Variants in ACBD6 observed in about 807,000 individuals in gnomAD.
ACBD6 encodes acyl-CoA binding domain containing 6, also known as acyl-CoA-binding domain-containing protein 6.
ACBD6 carries 28 observed loss-of-function variants against 37.2 expected under a neutral mutation model. The ratio of observed to expected loss-of-function variants is 0.75; its 90% CI spans 0.56 to 1.03. The LOEUF is 1.03. Among genes scored for constraint, ACBD6 ranks in the 50% least tolerant of loss-of-function variants. The pLI, the probability that ACBD6 is intolerant of heterozygous loss-of-function variation, is 0.00. For synonymous variants in ACBD6, 113 were observed against 126.8 expected (o/e 0.89, Z 0.73); for missense variants, 340 against 337.4 (o/e 1.01, Z -0.06).
chr1:180,367,048 AC>A (rs1188898711), intron 6 of ACBD6, among the ~76,000 whole-genome samples: 1 of 152,248 alleles, frequency 6.6e-6, no homozygotes, highest in Non-Finnish European at 1.5e-5. Context: ...AGATAATGCT[AC>A]ACAGATTCCT....
chr1:180,303,775 T>A (rs374341696), intron 7 of ACBD6, among the ~76,000 whole-genome samples: 4 of 150,596 alleles, frequency 2.7e-5, no homozygotes, highest in South Asian at 2.1e-4. Context: ...CATCATCCTG[T>A]TACCAAAGCC....
intron 5 of ACBD6, among the ~76,000 whole-genome samples, chr1:180,408,344 A>C (rs1305386310): frequency 6.6e-6 from 1 of 152,234 alleles, no homozygotes; most frequent in African/African-American, 2.4e-5. Flanking sequence ...CAGCCATAAA[A>C]AATGATGAGT....
intron 3 of ACBD6, among the ~76,000 whole-genome samples, chr1:180,447,228 A>T (rs1405868340): frequency 6.6e-6 from 1 of 152,190 alleles, no homozygotes; most frequent in African/African-American, 2.4e-5. Flanking sequence ...TATATATACT[A>T]CATACACTAG....
At chr1:180,398,493 C>CA (rs1196538627) in intron 5 of ACBD6, among the ~76,000 whole-genome samples, 1 of 152,134 alleles carries the variant, frequency 6.6e-6, no homozygotes, top group Non-Finnish European at 1.5e-5. Context: ...ACCTCAAAAA[C>CA]ACTAGTACAA....
At chr1:180,380,182 G>A (rs1249332858) in intron 6 of ACBD6, among the ~76,000 whole-genome samples, 5 of 152,154 alleles carry the variant, frequency 3.3e-5, no homozygotes, top group Admixed American at 3.3e-4. Context: ...GATTGCTTGA[G>A]CCCGGGAAAT....
At chr1:180,366,250 T>C (rs1003764107) in intron 6 of ACBD6, among the ~76,000 whole-genome samples, 6 of 152,184 alleles carry the variant, frequency 3.9e-5, no homozygotes, top group African/African-American at 7.2e-5. Flanking sequence ...ATTTTAAAAA[T>C]TGAAAGAATT....
chr1:180,297,513 T>C (rs1043596380), intron 7 of ACBD6, among the ~76,000 whole-genome samples: 4 of 152,096 alleles, frequency 2.6e-5, no homozygotes, highest in African/African-American at 9.7e-5. Context: ...GGAGAAAACA[T>C]AGAGGCAGGC....
chr1:180,353,785 CAA>C (rs56286672), intron 6 of ACBD6, among the ~76,000 whole-genome samples: 36 of 19,756 alleles, frequency 1.8e-3, no homozygotes, highest in Admixed American at 3.0e-3. Flanking sequence ...TTAACAACCA[CAA>C]AAAAAAAAAA....
intron 3 of ACBD6, among the ~76,000 whole-genome samples, chr1:180,437,069 T>C (rs1380198004): frequency 6.6e-6 from 1 of 152,224 alleles, no homozygotes; most frequent in Non-Finnish European, 1.5e-5. Context: ...GGCTGTGTCA[T>C]GGGTCATGGT....
chr1:180,369,587 A>C (rs1316510977), intron 6 of ACBD6, among the ~76,000 whole-genome samples: 1 of 152,216 alleles, frequency 6.6e-6, no homozygotes, highest in South Asian at 2.1e-4. Context: ...GAGATTCTCT[A>C]TATTTCCTTC....
At chr1:180,401,657 C>T (rs775232410) in intron 5 of ACBD6, among the ~76,000 whole-genome samples, 1 of 151,480 alleles carries the variant, frequency 6.6e-6, no homozygotes, top group Non-Finnish European at 1.5e-5. Flanking sequence ...TGGTGGTGCG[C>T]GTGCCTGTAA....
chr1:180,451,762 T>C (rs1004876506), intron 3 of ACBD6, among the ~76,000 whole-genome samples: 8 of 152,184 alleles, frequency 5.3e-5, no homozygotes, highest in Admixed American at 3.3e-4. Flanking sequence ...GAGTTTCTTT[T>C]TGAGGGGATG....
At chr1:180,466,853 C>T (rs1650366982) in intron 3 of ACBD6, among the ~76,000 whole-genome samples, 1 of 151,944 alleles carries the variant, frequency 6.6e-6, no homozygotes, top group Non-Finnish European at 1.5e-5. Flanking sequence ...GTTATTGTGA[C>T]CAGTAAATAA....
intron 6 of ACBD6, among the ~76,000 whole-genome samples, chr1:180,340,587 G>A (rs1445449665): frequency 1.3e-5 from 2 of 148,924 alleles, no homozygotes; most frequent in East Asian, 4.0e-4. Flanking sequence ...CAGTATAACT[G>A]TATCCTGATG....
At chr1:180,430,287 A>G in intron 3 of ACBD6, 25 bp from the exon 4 acceptor site, 3 of 1,567,528 alleles carry the variant, frequency 1.9e-6, no homozygotes, top group Non-Finnish European at 2.6e-6. Flanking sequence ...AAAAAAAGTG[A>G]AAAAAAGACA....
At chr1:180,438,449 A>G (rs1022857819) in intron 3 of ACBD6, 6 of 152,840 alleles carry the variant, frequency 3.9e-5, no homozygotes, top group African/African-American at 1.4e-4. Flanking sequence ...GGCGCCATTC[A>G]TTGACTCTCT....
intron 3 of ACBD6, among the ~76,000 whole-genome samples, chr1:180,436,173 C>G (rs1277292840): frequency 1.3e-5 from 2 of 152,014 alleles, no homozygotes; most frequent in African/African-American, 4.8e-5. Flanking sequence ...CTTGGTGGCC[C>G]CTTTGAGATA....
intron 3 of ACBD6, among the ~76,000 whole-genome samples, chr1:180,445,381 C>T (rs1392124671): frequency 2.0e-5 from 3 of 152,066 alleles, no homozygotes; most frequent in Admixed American, 2.0e-4. Flanking sequence ...TAACATACTT[C>T]GTTATAAGAA....
At chr1:180,482,226 T>C (rs1651079791) in intron 3 of ACBD6, among the ~76,000 whole-genome samples, 1 of 152,120 alleles carries the variant, frequency 6.6e-6, no homozygotes, top group Non-Finnish European at 1.5e-5. Context: ...ATAATTTTTA[T>C]AGGTAAAAGA....
Sources: gnomAD v4.1 joint callset for allele counts (sites outside exome capture counted in the v4.1 genomes callset) on GRCh38, gnomAD v4.1.1 for gene constraint, MANE v1.5 for transcripts, NCBI Gene and HGNC (gene_info 2026-07-23, HGNC 2026-07-21) for gene names.